PDLIM3: variants seen among roughly 807,000 people sequenced by gnomAD.
PDLIM3 encodes the protein PDZ and LIM domain protein 3.
PDLIM3 carries 36 observed loss-of-function variants against 37.3 expected under a neutral mutation model. That is an observed-to-expected ratio of 0.97 (90% CI 0.74 to 1.28). PDLIM3 has a LOEUF of 1.28. Among genes scored for constraint, PDLIM3 ranks in the 50% most tolerant of loss-of-function variants. The pLI is 0.00. For missense variants in PDLIM3, 454 were observed against 485.0 expected, an observed-to-expected ratio of 0.94 and a Z score of 0.60; for synonymous variants, 174 against 182.4, an observed-to-expected ratio of 0.95 and a Z score of 0.37.
At chr4:185,508,977 T>A (rs1391004864) in intron 4 of PDLIM3, among the ~76,000 whole-genome samples, 2 of 152,256 alleles carry the variant, frequency 1.3e-5, no homozygotes, top group Non-Finnish European at 2.9e-5. Context: ...GACATCCTTT[T>A]ACATTTCTGA....
chr4:185,531,513 G>A lies in PDLIM3; in HGVS notation c.93+3829C>T, dbSNP rs148378698. On this transcript the variant is annotated intron_variant, in intron 1 of 7. Transcript: ENST00000284767. ...GGCTATTTGGATTGTAAACAATTAC[G>A]GGCATGAGGGCCCTGTGTCCTAATT... 8.5e-5 allele frequency among the ~76,000 whole-genome samples: 13 copies of A among 152,146 alleles called. No homozygotes were observed. In the East Asian group the frequency reaches 2.3e-3, roughly 27 times the overall value.
rs116775669 is a variant in PDLIM3, at chr4:185,535,393, G to A, written c.42C>T (p.Gly14=). The part of the protein sequence containing the change: ...TVILPGPAPW[G]FRLSGGIDFN... ...AGTCTATGCCCCCTGAGAGCCTGAA[G>A]CCCCAGGGCGCAGGGCCCGGGAGGA... The change falls in exon 1 of 8, where the codon GGC becomes GGT. Residue 14 remains glycine, a synonymous_variant. Transcript: ENST00000284767. 4.3e-3 allele frequency: 6,940 copies of A among 1,607,638 alleles called. 259 individuals carry two copies. In the African/African-American group the frequency reaches 0.081, roughly 19 times the overall value.
chr4:185,503,873 G>A (rs957245267), intron 7 of PDLIM3, among the ~76,000 whole-genome samples: 14 of 152,162 alleles, frequency 9.2e-5, no homozygotes, highest in Admixed American at 6.5e-4. Flanking sequence ...GCTTGAACCT[G>A]GGAGGTGGAG....
intron 4 of PDLIM3, chr4:185,513,986 T>A: frequency 7.8e-7 from 1 of 1,287,486 alleles, no homozygotes; most frequent in Non-Finnish European, 9.9e-7. Context: ...AAGGTCACAG[T>A]GTTCTGGATG....
intron 1 of PDLIM3, among the ~76,000 whole-genome samples, chr4:185,534,160 T>C (rs2095749424): frequency 1.3e-5 from 2 of 152,240 alleles, no homozygotes; most frequent in South Asian, 4.1e-4. Flanking sequence ...AAACGTTCCA[T>C]TGTATGCGTC....
intron 7 of PDLIM3, among the ~76,000 whole-genome samples, chr4:185,503,983 C>A (rs982329293): frequency 6.6e-6 from 1 of 152,136 alleles, no homozygotes; most frequent in African/African-American, 2.4e-5. Flanking sequence ...TGGAAGCTGA[C>A]AGTTTTTCAA....
At chr4:185,535,221 G>T in intron 1 of PDLIM3, 121 bp downstream of exon 1, 1 of 840,148 alleles carries the variant, frequency 1.2e-6, no homozygotes, top group African/African-American at 1.8e-5. Context: ...AGCCAGCAGC[G>T]CCCCGTCCGC....
chr4:185,503,042 A>C (rs1251526644), intron 7 of PDLIM3, among the ~76,000 whole-genome samples: 2 of 152,110 alleles, frequency 1.3e-5, no homozygotes, highest in Non-Finnish European at 1.5e-5. Flanking sequence ...CCTGGCTAAC[A>C]CGGTGAAACC....
intron 1 of PDLIM3, among the ~76,000 whole-genome samples, chr4:185,530,916 C>T (rs1392317841): frequency 2.6e-5 from 4 of 151,038 alleles, no homozygotes; most frequent in Admixed American, 6.6e-5. Context: ...AGTGCAAGAG[C>T]GCTGTGCCCA....
rs1193152894 is a variant in PDLIM3 at position 185,504,127 on chromosome 4, C to A, written c.905+348G>T. On this transcript the variant is annotated intron_variant, in intron 7 of 7. Coordinates refer to ENST00000284767, the MANE Select transcript of PDLIM3 (RefSeq NM_014476.6). This position sits in a 1 kb window ranked among gnomAD's most constrained non-coding sequence, Gnocchi z 4.7. ...ATGTATACTAAATGTATACACAGTT[C>A]ATGTATGCATTTACTAAACACTATA... is the stretch of plus-strand genomic sequence containing the variant. Among the ~76,000 whole-genome samples the A allele has an allele frequency of 6.6e-6, 1 of 152,080 alleles. No individual in the cohort carries two copies. The highest frequency in any genetic ancestry group is 2.4e-5 in the African/African-American group (1 of 41,412).
At chr4:185,526,083 A>G (rs907893672) in intron 1 of PDLIM3, among the ~76,000 whole-genome samples, 1 of 152,258 alleles carries the variant, frequency 6.6e-6, no homozygotes, top group Non-Finnish European at 1.5e-5. Flanking sequence ...GGTGCCTTCA[A>G]GCAAAGGCAA....
chr4:185,502,422 A>T lies in PDLIM3; in HGVS notation c.967T>A (p.Cys323Ser). Residue 323 changes from cysteine (C) to serine (S), a missense_variant, in exon 8 of 8, where the codon TGC (cysteine) becomes AGC (serine). Physicochemically the swap from Cys to Ser is moderately radical, Grantham distance 112 (BLOSUM62 -1). Transcript: ENST00000284767. ...RHPECFVCADCNLNLKQKGYF... is the reference protein window; with the variant it reads ...RHPECFVCADSNLNLKQKGYF... The stretch of plus-strand genomic sequence containing the variant: ...CCCTTTTGCTTGAGGTTGAGGTTGC[A>T]GTCGGCACACACGAAGCACTCAGGG... 4 of 1,614,224 alleles carry T rather than the reference A, an allele frequency of 2.5e-6. No individual in the cohort carries two copies. Among genetic ancestry groups the T allele is most frequent in the Non-Finnish European group, 2.5e-6 (3 of 1,180,034 alleles).
At chr4:185,510,510 A>G (rs78184971) in intron 4 of PDLIM3, among the ~76,000 whole-genome samples, 3,303 of 152,336 alleles carry the variant, frequency 0.022, 112 homozygotes, top group African/African-American at 0.075. Context: ...ACAGTCTATT[A>G]GCACACAAAT....
chr4:185,529,421 T>C, intron 1 of PDLIM3, among the ~76,000 whole-genome samples: 1 of 152,226 alleles, frequency 6.6e-6, no homozygotes, highest in East Asian at 1.9e-4. Flanking sequence ...AGATGATGTT[T>C]CTGTTAATAA....
rs185362396 is a variant in PDLIM3 at position 185,511,404 on chromosome 4, C to G, written c.399-2842G>C. Among the ~76,000 whole-genome samples, 6 of 151,952 alleles carry G rather than the reference C, an allele frequency of 3.9e-5. No homozygotes were observed. In the East Asian group the frequency reaches 5.8e-4, roughly 15 times the overall value. ...TTTTGAGACAGTCTCACTCTGTTAC[C>G]CATCTGGAGTGCAGTGGTGCAATCT... On this transcript the variant is annotated intron_variant, in intron 4 of 7. Coordinates refer to ENST00000284767, the MANE Select transcript of PDLIM3 (RefSeq NM_014476.6).
chr4:185,514,412 G>A lies in PDLIM3; in HGVS notation c.331-75C>T, dbSNP rs1020986440. On this transcript the variant is annotated intron_variant, in intron 3 of 7. Transcript: ENST00000284767. The surrounding 1 kb of genome is among the most constrained non-coding windows in gnomAD (Gnocchi z 4.0). ...TGCAGATAAGATTAAACGAACGATA[G>A]TTGTACAGGGAGGATCATTTACCAC... 49 of 1,613,644 alleles carry A rather than the reference G, an allele frequency of 3.0e-5. No individual in the cohort carries two copies. In the East Asian group the frequency reaches 1.0e-3, roughly 34 times the overall value.
rs6552891 is a variant in PDLIM3 at position 185,523,081 on chromosome 4, T to C, written c.330+281A>G. On this transcript the variant is annotated intron_variant, in intron 3 of 7. Transcript: ENST00000284767. ...TCACGGTCATTTCACAGAAGTCCAT[T>C]ATAAGAAATGAAAAAATAATAAGTG... 288,795 of 352,404 alleles carry C rather than the reference T, an allele frequency of 0.82. 119,804 individuals are homozygous for C. The highest frequency in any genetic ancestry group is 0.87 in the Non-Finnish European group (167,637 of 192,060). The allele number at this position is 352,404 out of a possible 1,614,324, so 21.8% of individuals were successfully genotyped here.
Position 185,508,386 on chromosome 4 carries a change from G to A in PDLIM3, c.575C>T (p.Thr192Ile). 1 of 1,614,022 alleles carries A rather than the reference G, an allele frequency of 6.2e-7. No individual in the cohort carries two copies. The highest frequency in any genetic ancestry group is 8.5e-7 in the Non-Finnish European group (1 of 1,179,900). The change falls in exon 5 of 8, where the codon ACA (threonine) becomes ATA (isoleucine). Residue 192 changes from threonine to isoleucine, a missense_variant. Transcript: ENST00000284767. ...GTCATCTGAGTACAACTGCATAGGT[G>A]TATTAAACTGAGCATGTACAATCTT... ...GVKIVHAQFN[T>I]PMQLYSDDNI... is the part of the protein sequence containing the mutation.
intron 3 of PDLIM3, among the ~76,000 whole-genome samples, chr4:185,522,974 G>A (rs918700742): frequency 3.9e-5 from 6 of 152,202 alleles, no homozygotes; most frequent in African/African-American, 9.7e-5. Flanking sequence ...CACAGTAACC[G>A]TAGATTGGAG....
Sources: gnomAD v4.1 joint callset for allele counts (sites outside exome capture counted in the v4.1 genomes callset) on GRCh38, gnomAD v4.1.1 for gene constraint, Gnocchi (gnomAD v3.1) non-coding constraint, MANE v1.5 for transcripts, NCBI Gene and HGNC (gene_info 2026-07-23, HGNC 2026-07-21) for gene names.